TSHZ1: variants seen among roughly 807,000 people sequenced by gnomAD.
TSHZ1 encodes the protein teashirt homolog 1.
In TSHZ1, 12 loss-of-function variants were observed where a neutral mutation model predicts 67.1. The observed-to-expected ratio is 0.18, with a 90% confidence interval of 0.11 to 0.29. TSHZ1 has a LOEUF of 0.29. TSHZ1 is among the 10% of genes least tolerant of loss of function. The pLI is 1.00. For missense variants in TSHZ1, 1,305 were observed against 1,413.9 expected, an observed-to-expected ratio of 0.92 and a Z score of 1.23; for synonymous variants, 632 against 622.4, an observed-to-expected ratio of 1.02 and a Z score of -0.23.
At chr18:75,215,908 C>T (rs527671606) in intron 1 of TSHZ1, among the ~76,000 whole-genome samples, 1 of 151,640 alleles carries the variant, frequency 6.6e-6, no homozygotes, top group East Asian at 2.0e-4. Flanking sequence ...CTGCCCTGTT[C>T]TGCTGGGAGT....
At chr18:75,262,276 AAAAC>A (rs939492475) in intron 1 of TSHZ1, among the ~76,000 whole-genome samples, 7 of 152,102 alleles carry the variant, frequency 4.6e-5, no homozygotes, top group Non-Finnish European at 8.8e-5. Context: ...TAAAAAATAC[AAAAC>A]AAACAAACAA....
intron 1 of TSHZ1, chr18:75,245,494 G>A (rs750653437): frequency 6.6e-6 from 1 of 152,152 alleles, no homozygotes; most frequent in Non-Finnish European, 1.5e-5. Flanking sequence ...TTTTAAACCT[G>A]TGGAGCTCTC....
chr18:75,241,370 C>T (rs1209228579), intron 1 of TSHZ1, among the ~76,000 whole-genome samples: 1 of 152,204 alleles, frequency 6.6e-6, no homozygotes, highest in Admixed American at 6.5e-5. Context: ...CACCATAGGA[C>T]TGGCTAGCTG....
At position 75,281,270 on chromosome 18, in the gene TSHZ1, G is replaced by A. The variant is rs2023681509; in HGVS notation, c.41-4178G>A. On this transcript the variant is annotated intron_variant, in intron 1 of 1. Transcript: ENST00000580243. This position sits in a 1 kb window ranked among gnomAD's most constrained non-coding sequence, Gnocchi z 5.3. ...CTGAGGACCAGGAGGCTTTGAGGAT[G>A]GCGCTGCTTTTCTGCCTCGGATACT... Among the ~76,000 whole-genome samples the A allele has an allele frequency of 6.6e-6, 1 of 152,194 alleles. No individual in the cohort carries two copies. The highest frequency in any genetic ancestry group is 2.4e-5 in the African/African-American group (1 of 41,434).
intron 1 of TSHZ1, among the ~76,000 whole-genome samples, chr18:75,261,901 G>A (rs906815489): frequency 3.9e-5 from 6 of 152,206 alleles, no homozygotes; most frequent in East Asian, 1.9e-4. Context: ...CTCATATGGC[G>A]TTTGGCCATG....
At chr18:75,247,815 T>C (rs2023242974) in intron 1 of TSHZ1, among the ~76,000 whole-genome samples, 2 of 151,774 alleles carry the variant, frequency 1.3e-5, no homozygotes, top group South Asian at 4.2e-4. Flanking sequence ...AGTGACCTTA[T>C]CATTAAATAT....
At chr18:75,282,035 C>G (rs1225378940) in intron 1 of TSHZ1, among the ~76,000 whole-genome samples, 2 of 152,198 alleles carry the variant, frequency 1.3e-5, no homozygotes, top group Non-Finnish European at 2.9e-5. Context: ...GGAGTCCACA[C>G]AGGGCCGTGG....
At chr18:75,259,049 G>T (rs2023398136) in intron 1 of TSHZ1, among the ~76,000 whole-genome samples, 1 of 152,124 alleles carries the variant, frequency 6.6e-6, no homozygotes, top group Non-Finnish European at 1.5e-5. Flanking sequence ...GTAACCAATA[G>T]GAGCCGCCTG....
intron 1 of TSHZ1, among the ~76,000 whole-genome samples, chr18:75,261,817 C>T (rs369995079): frequency 2.0e-5 from 3 of 152,166 alleles, no homozygotes; most frequent in Admixed American, 1.3e-4. Flanking sequence ...GTCGGGGGTG[C>T]GTGTTAATTT....
At position 75,289,533 on chromosome 18, in the gene TSHZ1, T is replaced by C. The variant is rs547093695; in HGVS notation, c.*892T>C. 1 of 167,250 alleles carries C rather than the reference T, an allele frequency of 6.0e-6. No individual in the cohort carries two copies. The highest frequency in any genetic ancestry group is 1.9e-4 in the East Asian group (1 of 5,200). 10.4% of individuals were successfully genotyped at this position (167,250 alleles called of 1,614,324 possible). A position where few individuals can be genotyped will look rare whatever the true frequency, so the allele number is the denominator to read the frequency against. On this transcript the variant is annotated 3_prime_UTR_variant, in exon 2 of 2. Coordinates refer to ENST00000580243, the MANE Select transcript of TSHZ1 (RefSeq NM_001308210.2). ...GGCAAACGTTGGAGTCCTTTCCTTG[T>C]AAATTGCCAGCATCAGCTTAAAAAC... is the stretch of plus-strand genomic sequence containing the variant.
intron 1 of TSHZ1, among the ~76,000 whole-genome samples, chr18:75,261,485 C>G (rs574158030): frequency 3.3e-5 from 5 of 152,308 alleles, no homozygotes; most frequent in African/African-American, 1.2e-4. Flanking sequence ...ATGAGACGAC[C>G]AGAGGTGAGA....
intron 1 of TSHZ1, among the ~76,000 whole-genome samples, chr18:75,234,979 A>C (rs2023048704): frequency 6.6e-6 from 1 of 152,162 alleles, no homozygotes; most frequent in African/African-American, 2.4e-5. Context: ...TTTGATGAGT[A>C]ATAATCATTA....
intron 1 of TSHZ1, among the ~76,000 whole-genome samples, chr18:75,225,486 G>A (rs1021168250): frequency 8.5e-5 from 13 of 152,186 alleles, no homozygotes; most frequent in Non-Finnish European, 1.2e-4. Context: ...ATCTCTGTAC[G>A]CTTGCCCCAC....
At chr18:75,231,088 G>T (rs1169252965) in intron 1 of TSHZ1, among the ~76,000 whole-genome samples, 1 of 152,228 alleles carries the variant, frequency 6.6e-6, no homozygotes, top group Non-Finnish European at 1.5e-5. Context: ...CATGTGAGGA[G>T]ATGCAGTTTC....
chr18:75,213,504 G>T (rs1252596675), intron 1 of TSHZ1, among the ~76,000 whole-genome samples: 1 of 152,090 alleles, frequency 6.6e-6, no homozygotes, highest in Non-Finnish European at 1.5e-5. Context: ...ACAATAAAAA[G>T]TTGTGTTCAG....
At chr18:75,264,972 G>A (rs913799528) in intron 1 of TSHZ1, among the ~76,000 whole-genome samples, 2 of 152,164 alleles carry the variant, frequency 1.3e-5, no homozygotes, top group Non-Finnish European at 2.9e-5. Context: ...CACAAAACAA[G>A]TGTTATTAAG....
chr18:75,277,840 C>T (rs531874812), intron 1 of TSHZ1, among the ~76,000 whole-genome samples: 1 of 152,310 alleles, frequency 6.6e-6, no homozygotes, highest in Non-Finnish European at 1.5e-5. Flanking sequence ...ATGATTCTGT[C>T]ATTGCCATAA....
rs2022680027 is a variant in TSHZ1 at position 75,211,343 on chromosome 18, CAAT to C, written c.-533_-531del. The C allele has an allele frequency of 6.6e-6, 1 of 152,052 alleles. No homozygotes were observed. Among genetic ancestry groups the C allele is most frequent in the Non-Finnish European group, 1.5e-5 (1 of 68,048 alleles). 9.4% of individuals were successfully genotyped at this position (152,052 alleles called of 1,614,324 possible). ...AGCCTGCATCGGCCTCGCTGGCGCA[CAAT>C]GAGAAAGCTGCGACCCGCGCACTAA... On this transcript the variant is annotated 5_prime_UTR_variant, in exon 1 of 2. It removes an upstream start codon present in the reference 5' UTR. Transcript: ENST00000580243.
intron 1 of TSHZ1, among the ~76,000 whole-genome samples, chr18:75,277,514 G>A (rs551556222): frequency 6.6e-5 from 10 of 152,288 alleles, no homozygotes; most frequent in African/African-American, 1.9e-4. Context: ...TTCTGGGCTT[G>A]GGAGGTGGGA....
Sources: allele counts gnomAD v4.1 joint callset (sites outside exome capture counted in the v4.1 genomes callset), GRCh38; gene constraint gnomAD v4.1.1; non-coding constraint Gnocchi (gnomAD v3.1); transcripts MANE v1.5; gene names NCBI Gene and HGNC (gene_info 2026-07-23, HGNC 2026-07-21).